Variants in PARP1 observed in about 807,000 individuals in gnomAD.
The protein encoded by PARP1 is poly [ADP-ribose] polymerase 1.
PARP1 carries 44 observed loss-of-function variants against 118.7 expected under a neutral mutation model. The ratio of observed to expected loss-of-function variants is 0.37; its 90% CI spans 0.29 to 0.48. The LOEUF is 0.48. PARP1 is among the 20% of genes least tolerant of loss of function. The pLI is 0.99. For missense variants in PARP1, 1,100 were observed against 1,272.4 expected (o/e 0.86, Z 2.06); for synonymous variants, 492 against 483.2 (o/e 1.02, Z -0.24).
At chr1:226,407,780 C>A in intron 1 of PARP1, 30 bp downstream of exon 1, 2 of 1,545,680 alleles carry the variant, frequency 1.3e-6, no homozygotes, top group Non-Finnish European at 1.7e-6. Flanking sequence ...CGCCGCGTCC[C>A]CGCCCCGCCG....
chr1:226,402,166 G>GC (rs746799743), intron 2 of PARP1, 48 bp downstream of exon 2: 34 of 1,614,048 alleles, frequency 2.1e-5, no homozygotes, highest in Non-Finnish European at 2.9e-5. Context: ...CCTCCTGGGA[G>GC]CTTCAGGGTG....
At chr1:226,363,741 G>T (rs1332212704) in intron 20 of PARP1, among the ~76,000 whole-genome samples, 6 of 152,190 alleles carry the variant, frequency 3.9e-5, no homozygotes, top group Non-Finnish European at 7.3e-5. Flanking sequence ...TCCTGCCCTT[G>T]CATTTCCTGA....
intron 1 of PARP1, among the ~76,000 whole-genome samples, chr1:226,404,124 T>C (rs948404580): frequency 6.6e-6 from 1 of 152,152 alleles, no homozygotes; most frequent in Non-Finnish European, 1.5e-5. Flanking sequence ...CTAAGAACTA[T>C]GCATTTGGTG....
chr1:226,363,806 A>T lies in PARP1; in HGVS notation c.2786+137T>A, dbSNP rs995036650. Reference sequence around the variant, plus strand: ...ACTTGAATTGGATTCTGCTACTTATAAGAAAAGAATCCTAATTGGTGCGTC... The same window carrying T: ...ACTTGAATTGGATTCTGCTACTTATTAGAAAAGAATCCTAATTGGTGCGTC... On this transcript the variant is annotated intron_variant, in intron 20 of 22. Transcript: ENST00000366794. The T allele has an allele frequency of 1.7e-5, 15 of 908,364 alleles. No individual in the cohort carries two copies. In the East Asian group the frequency reaches 3.7e-4, roughly 23 times the overall value. 56.3% of individuals were successfully genotyped at this position (908,364 alleles called of 1,614,324 possible).
intron 1 of PARP1, 109 bp downstream of exon 1, chr1:226,407,701 G>GCGGGCC: frequency 1.0e-6 from 1 of 996,210 alleles, no homozygotes; most frequent in Non-Finnish European, 1.3e-6. Context: ...GTGCCGCTCC[G>GCGGGCC]AGGGCCCGGG....
chr1:226,388,550 A>G, intron 5 of PARP1, 106 bp downstream of exon 5: 1 of 810,190 alleles, frequency 1.2e-6, no homozygotes, highest in South Asian at 1.4e-5. Context: ...TCAATTTGCT[A>G]AAGGTCTTAA....
At chr1:226,389,889 T>C (rs1000611064) in intron 4 of PARP1, among the ~76,000 whole-genome samples, 3 of 152,124 alleles carry the variant, frequency 2.0e-5, no homozygotes, top group African/African-American at 4.8e-5. Context: ...GAGGTGTCCA[T>C]GGATTCAAGA....
At position 226,377,235 on chromosome 1, in the gene PARP1, G is replaced by A. The variant is rs369900729; in HGVS notation, c.1814C>T (p.Pro605Leu). 9.3e-6 allele frequency: 15 copies of A among 1,613,846 alleles called. No individual in the cohort carries two copies. The highest frequency in any genetic ancestry group is 4.4e-5 in the South Asian group (4 of 91,058). The change falls in exon 13 of 23, where the codon CCG becomes CTG. Residue 605 changes from proline to leucine, a missense_variant. Physicochemically the swap from Pro to Leu is moderately conservative, Grantham distance 98. Transcript: ENST00000366794. ...GTGCTCAATGGCATCCTCCTTGGAC[G>A]GCATCTGTTCCAGTTTGTTGCTACC... ...VIGSNKLEQM[P>L]SKEDAIEHFM...
In PARP1 at chr1:226,408,000, C is replaced by T; in HGVS notation, c.-71G>A. ...CTAGAAACACGCTGCCGCCTCGCCG[C>T]CTCGCGTGCGCTCACCCAGCCGCAG... On this transcript the variant is annotated 5_prime_UTR_variant, in exon 1 of 23. Transcript: ENST00000366794. 1 of 1,600,168 alleles carries T rather than the reference C, an allele frequency of 6.2e-7. No homozygotes were observed. The highest frequency in any genetic ancestry group is 8.5e-7 in the Non-Finnish European group (1 of 1,174,994).
chr1:226,367,264 G>A (rs910342250), intron 17 of PARP1: 5 of 588,958 alleles, frequency 8.5e-6, no homozygotes, highest in Admixed American at 8.4e-5. Flanking sequence ...AGGCTGCCTT[G>A]CAAACAAGGT....
rs1361625330 is a variant in PARP1, at chr1:226,386,421, T to G, written c.739A>C (p.Asn247His). The G allele has an allele frequency of 6.2e-7, 1 of 1,613,366 alleles. No individual in the cohort carries two copies. The highest frequency in any genetic ancestry group is 8.5e-7 in the Non-Finnish European group (1 of 1,179,256). ...ACTTTCTTTAGCTCGTCCTTGATGT[T>G]CCAGATCAGGTCGTTCTGAGCCTAT... ...ALKAQNDLIW[N>H]IKDELKKVCS... The change falls in exon 6 of 23, where the codon AAC becomes CAC. Residue 247 changes from asparagine (N) to histidine (H), a missense_variant. Around this residue, in one of 2 missense-constraint regions of PARP1, gnomAD observed 948 missense variants for 1,031.8 expected, o/e 0.92. Coordinates refer to ENST00000366794, the MANE Select transcript of PARP1 (RefSeq NM_001618.4).
At position 226,365,061 on chromosome 1, in the gene PARP1, T is replaced by G; in HGVS notation, c.2599A>C (p.Thr867Pro). The G allele has an allele frequency of 6.8e-6, 11 of 1,614,222 alleles. No individual in the cohort carries two copies. The highest frequency in any genetic ancestry group is 9.3e-6 in the Non-Finnish European group (11 of 1,180,036). ...TGGGACAGGATCCCAGCAAAGTTGG[T>G]GGTCCTGGACCCGTGCCACAGCAAT... The part of the protein sequence containing the change: ...RRLLWHGSRT[T>P]NFAGILSQGL... The change falls in exon 19 of 23, where the codon ACC becomes CCC. Residue 867 changes from threonine to proline, a missense_variant. Around this residue, in one of 2 missense-constraint regions of PARP1, gnomAD observed 152 missense variants for 240.6 expected, o/e 0.63. Transcript: ENST00000366794.
chr1:226,386,762 GGTGC>G (rs1353997946), intron 5 of PARP1, among the ~76,000 whole-genome samples: 1 of 152,202 alleles, frequency 6.6e-6, no homozygotes, highest in Non-Finnish European at 1.5e-5. Context: ...AGAGCCTGGA[GGTGC>G]TAGGCTGAGC....
chr1:226,385,630 G>T lies in PARP1; in HGVS notation c.885C>A (p.Cys295Ter). The T allele has an allele frequency of 6.2e-7, 1 of 1,614,124 alleles. No homozygotes were observed. The highest frequency in any genetic ancestry group is 8.5e-7 in the Non-Finnish European group (1 of 1,179,978). Reference protein sequence around the residue: ...DGMVFGALLPCEECSGQLVFK... With the variant: ...DGMVFGALLP The stretch of plus-strand genomic sequence containing the variant: ...AGACCAGCTGACCCGAGCATTCCTC[G>T]CAGGGAAGGAGGGCACCGAACACCA... The change falls in exon 7 of 23, where the codon TGC becomes TGA. Residue 295 changes from cysteine (C) to a stop codon, truncating the protein, a stop_gained. Transcript: ENST00000366794. LOFTEE classifies it high-confidence loss of function.
At chr1:226,403,540 T>G (rs1327527641) in intron 1 of PARP1, among the ~76,000 whole-genome samples, 2 of 152,172 alleles carry the variant, frequency 1.3e-5, no homozygotes, top group Non-Finnish European at 2.9e-5. Context: ...GTATGTAGTG[T>G]GTGTCCCTGC....
chr1:226,364,875 G>T, intron 19 of PARP1, 127 bp downstream of exon 19: 2 of 1,060,336 alleles, frequency 1.9e-6, no homozygotes, highest in Non-Finnish European at 2.9e-6. Context: ...GGATAAAAGG[G>T]TGAAGGCCCA....
intron 17 of PARP1, chr1:226,366,257 A>G: frequency 1.8e-6 from 1 of 570,544 alleles, no homozygotes. Context: ...CTCTTCATCT[A>G]CTTGGGCTGC....
chr1:226,382,822 C>T (rs1358424505), intron 8 of PARP1, among the ~76,000 whole-genome samples: 1 of 152,212 alleles, frequency 6.6e-6, no homozygotes, highest in East Asian at 1.9e-4. Context: ...CCAGCCGATG[C>T]TATGTTCTTA....
chr1:226,383,230 T>C, intron 7 of PARP1, 47 bp from the exon 8 acceptor site: 1 of 1,508,684 alleles, frequency 6.6e-7, no homozygotes, highest in Non-Finnish European at 9.2e-7. Context: ...TCCCTTGAGG[T>C]AACCACCCCA....
Sources: allele counts gnomAD v4.1 joint callset (sites outside exome capture counted in the v4.1 genomes callset), GRCh38; gene constraint gnomAD v4.1.1; regional missense constraint gnomAD v4.1.1; transcripts MANE v1.5; gene names NCBI Gene and HGNC (gene_info 2026-07-23, HGNC 2026-07-21).